The following PLS3 variants were observed in gnomAD, a reference collection of about 807,000 sequenced individuals.
The protein encoded by PLS3 is plastin-3.
In PLS3, 11 loss-of-function variants were observed where a neutral mutation model predicts 46.5. That is an observed-to-expected ratio of 0.24 (90% CI 0.15 to 0.39). The LOEUF (loss-of-function observed/expected upper bound fraction) is 0.39, where lower values mean the gene tolerates loss of function less well. PLS3 is among the 10% of genes least tolerant of loss of function. The pLI is 1.00. For synonymous variants in PLS3, 167 were observed against 162.2 expected (o/e 1.03, Z -0.22); for missense variants, 308 against 461.8 (o/e 0.67, Z 3.05).
rs376758300 is a variant in PLS3, at chrX:115,626,942, G to A, written c.238-2256G>A. ...TGGCTCACTGCAACCTCCATCTCCC[G>A]GGTTCAAGTGATTCTCATGCCTCAG... On this transcript the variant is annotated intron_variant, in intron 3 of 15. Transcript: ENST00000355899. 1.9e-4 allele frequency among the ~76,000 whole-genome samples: 21 copies of A among 108,613 alleles called. No homozygotes were observed. In the South Asian group the frequency reaches 7.7e-3, roughly 40 times the overall value. The allele number at this position is 108,613 out of a possible 115,157, so 94.3% of individuals were successfully genotyped here. A position where few individuals can be genotyped will look rare whatever the true frequency, so the allele number is the denominator to read the frequency against.
intron 5 of PLS3, among the ~76,000 whole-genome samples, chrX:115,632,694 T>G (rs1314508866): frequency 9.0e-6 from 1 of 110,601 alleles, no homozygotes; most frequent in Admixed American, 9.8e-5. Flanking sequence ...AAGACTCATT[T>G]CCAATGCAGG....
intron 2 of PLS3, among the ~76,000 whole-genome samples, chrX:115,618,457 G>A (rs1477123956): frequency 1.8e-5 from 2 of 111,159 alleles, no homozygotes; most frequent in East Asian, 5.7e-4. Flanking sequence ...ATAGTGGTGA[G>A]AGCCTGTAGT....
chrX:115,605,918 A>G (rs1556635226), intron 1 of PLS3, among the ~76,000 whole-genome samples: 1 of 110,717 alleles, frequency 9.0e-6, no homozygotes, highest in Non-Finnish European at 1.9e-5. Flanking sequence ...GTAATTATTC[A>G]TGTTTGCTTC....
chrX:115,601,358 C>T (rs2074441080), intron 1 of PLS3, among the ~76,000 whole-genome samples: 1 of 109,464 alleles, frequency 9.1e-6, no homozygotes, highest in South Asian at 4.0e-4. Flanking sequence ...GTGGGACCTC[C>T]TTTTGCATGG....
chrX:115,585,758 A>G (rs2074304091), intron 1 of PLS3, among the ~76,000 whole-genome samples: 1 of 111,098 alleles, frequency 9.0e-6, no homozygotes, highest in South Asian at 3.8e-4. Context: ...CCCAGCTTTA[A>G]CAATTACCAG....
intron 1 of PLS3, among the ~76,000 whole-genome samples, chrX:115,586,792 G>A (rs2074312459): frequency 8.9e-6 from 1 of 111,996 alleles, no homozygotes; most frequent in South Asian, 3.7e-4. Context: ...CTTTGAAGTA[G>A]ATAAGCTGTA....
At chrX:115,601,059 A>C (rs1229958836) in intron 1 of PLS3, among the ~76,000 whole-genome samples, 12 of 111,219 alleles carry the variant, frequency 1.1e-4, no homozygotes, top group African/African-American at 3.9e-4. Flanking sequence ...AGTACTGGGA[A>C]GATAAATTTT....
At chrX:115,575,775 T>G (rs1418678559) in intron 1 of PLS3, among the ~76,000 whole-genome samples, 1 of 112,080 alleles carries the variant, frequency 8.9e-6, no homozygotes, top group East Asian at 2.8e-4. Flanking sequence ...TTTTCTTGTT[T>G]CCTGATGCTT....
chrX:115,596,064 A>C (rs2147453813), intron 1 of PLS3, among the ~76,000 whole-genome samples: 1 of 112,102 alleles, frequency 8.9e-6, no homozygotes, highest in East Asian at 2.8e-4. Context: ...GAAAAGGTTT[A>C]TTTCTGTTTG....
rs782112714 is a variant in PLS3 at position 115,562,040 on chromosome X, C to T, written c.-9+780C>T. Among the ~76,000 whole-genome samples the T allele has an allele frequency of 8.1e-5, 9 of 110,634 alleles. No individual in the cohort carries two copies. The South Asian group carries it at 2.8e-3, about 34-fold the overall frequency. ...TTCAGCTCCTTTGACTTTGCGGCCC[C>T]GGGCGCGCGGTCGGGGCGGCGGCAG... On this transcript the variant is annotated intron_variant, in intron 1 of 15. Coordinates refer to ENST00000355899, the MANE Select transcript of PLS3 (RefSeq NM_005032.7).
At chrX:115,566,604 C>T in intron 1 of PLS3, among the ~76,000 whole-genome samples, 1 of 110,666 alleles carries the variant, frequency 9.0e-6, no homozygotes, top group African/African-American at 3.3e-5. Flanking sequence ...GTCTCGATCT[C>T]CTGACCTCGT....
At chrX:115,641,817 G>A (rs782564020) in intron 9 of PLS3, among the ~76,000 whole-genome samples, 9 of 110,012 alleles carry the variant, frequency 8.2e-5, no homozygotes, top group Non-Finnish European at 1.5e-4. Context: ...TTCAGAATCC[G>A]ACAAGGATTC....
intron 3 of PLS3, among the ~76,000 whole-genome samples, chrX:115,623,460 G>T (rs782707629): frequency 8.9e-6 from 1 of 112,016 alleles, no homozygotes; most frequent in South Asian, 3.7e-4. Context: ...GTTTGAGGCT[G>T]CAGTGAGCTG....
chrX:115,583,793 A>C (rs1453815582), intron 1 of PLS3, among the ~76,000 whole-genome samples: 1 of 112,103 alleles, frequency 8.9e-6, no homozygotes, highest in East Asian at 2.8e-4. Flanking sequence ...TTGTGAGGTC[A>C]AAAAGTAGTT....
At chrX:115,595,086 C>T (rs1028586159) in intron 1 of PLS3, among the ~76,000 whole-genome samples, 4 of 111,525 alleles carry the variant, frequency 3.6e-5, no homozygotes, top group East Asian at 2.8e-4. Context: ...GCCTGAGAAA[C>T]GTTTAAATGA....
chrX:115,577,919 A>G (rs782136326), intron 1 of PLS3, among the ~76,000 whole-genome samples: 3 of 111,828 alleles, frequency 2.7e-5, no homozygotes, highest in Non-Finnish European at 5.6e-5. Flanking sequence ...AGCACCTTAT[A>G]TATGTCAGAT....
intron 15 of PLS3, among the ~76,000 whole-genome samples, chrX:115,648,834 A>G (rs1276105691): frequency 1.8e-5 from 2 of 112,151 alleles, no homozygotes; most frequent in African/African-American, 6.5e-5. Context: ...TTCTGGTTCC[A>G]ACACACCTAG....
chrX:115,598,778 C>T (rs1052561382), intron 1 of PLS3, among the ~76,000 whole-genome samples: 15 of 111,714 alleles, frequency 1.3e-4, no homozygotes, highest in Middle Eastern at 4.6e-3. Context: ...AAGCAGAAGC[C>T]TGTCATATGT....
At chrX:115,631,353 G>T (rs191473655) in intron 5 of PLS3, among the ~76,000 whole-genome samples, 25 of 109,740 alleles carry the variant, frequency 2.3e-4, no homozygotes, top group African/African-American at 7.9e-4. Context: ...TTACAGATGT[G>T]AGCCACCGCG....
Sources: gnomAD v4.1 joint callset for allele counts (sites outside exome capture counted in the v4.1 genomes callset) on GRCh38, gnomAD v4.1.1 for gene constraint, MANE v1.5 for transcripts, NCBI Gene and HGNC (gene_info 2026-07-23, HGNC 2026-07-21) for gene names.